SMYD3: variants seen among roughly 807,000 people sequenced by gnomAD.
SMYD3 encodes histone-lysine N-methyltransferase SMYD3.
In SMYD3, 36 loss-of-function variants were observed where a neutral mutation model predicts 57.7. That is an observed-to-expected ratio of 0.62 (90% confidence interval 0.48 to 0.82). The LOEUF (loss-of-function observed/expected upper bound fraction) is 0.82, where lower values mean the gene tolerates loss of function less well. SMYD3 is among the 40% of genes least tolerant of loss of function. The pLI is 0.00. For synonymous variants in SMYD3, 211 were observed against 195.0 expected (o/e 1.08, Z -0.68); for missense variants, 515 against 538.8 (o/e 0.96, Z 0.44).
rs141900320 is a variant in SMYD3 at position 246,402,604 on chromosome 1, A to C, written c.165-47510T>G. Among the ~76,000 whole-genome samples the C allele has an allele frequency of 6.0e-3, 920 of 152,280 alleles. 11 individuals carry two copies. Among genetic ancestry groups the C allele is most frequent in the African/African-American group, 0.021 (877 of 41,566 alleles). On this transcript the variant is annotated intron_variant, in intron 1 of 11. Coordinates refer to ENST00000490107, the MANE Select transcript of SMYD3 (RefSeq NM_001167740.2). ...CCTTCACAGTCAAGATAGAGGCTAG[A>C]AGCCACTGTGTGAAGTAATAAAGCT... is the stretch of plus-strand genomic sequence containing the variant.
At chr1:246,329,693 T>C (rs1159055207) in intron 4 of SMYD3, among the ~76,000 whole-genome samples, 2 of 152,216 alleles carry the variant, frequency 1.3e-5, no homozygotes, top group Non-Finnish European at 2.9e-5. Flanking sequence ...CTCTTTAGTT[T>C]AATCAGATCC....
intron 5 of SMYD3, among the ~76,000 whole-genome samples, chr1:245,937,235 A>C (rs1360110685): frequency 1.3e-5 from 2 of 152,202 alleles, no homozygotes; most frequent in South Asian, 2.1e-4. Context: ...TATCAAGGCC[A>C]ATATCATAAG....
intron 5 of SMYD3, among the ~76,000 whole-genome samples, chr1:246,103,985 C>A (rs116862848): frequency 2.0e-3 from 302 of 152,324 alleles, no homozygotes; most frequent in Non-Finnish European, 3.6e-3. Flanking sequence ...AACCTTTCAA[C>A]CTGCCCAATT....
chr1:245,878,854 G>A (rs771095630), intron 8 of SMYD3, among the ~76,000 whole-genome samples: 28 of 152,210 alleles, frequency 1.8e-4, no homozygotes, highest in Admixed American at 4.6e-4. Flanking sequence ...GGAAGAGGGC[G>A]TTGAGCTTGT....
At chr1:246,483,969 T>C (rs150984658) in intron 1 of SMYD3, among the ~76,000 whole-genome samples, 76 of 150,868 alleles carry the variant, frequency 5.0e-4, no homozygotes, top group African/African-American at 7.1e-4. Context: ...ATACCTAAAC[T>C]ATTGTACTAG....
At chr1:246,376,238 T>C (rs969247321) in intron 1 of SMYD3, among the ~76,000 whole-genome samples, 2 of 152,146 alleles carry the variant, frequency 1.3e-5, no homozygotes, top group African/African-American at 2.4e-5. Flanking sequence ...TTCATATTGA[T>C]AGAACCGATC....
chr1:246,113,655 C>T (rs2061292140), intron 5 of SMYD3: 1 of 152,212 alleles, frequency 6.6e-6, no homozygotes, highest in Non-Finnish European at 1.5e-5. Flanking sequence ...CGTATTATCA[C>T]TTTCTATTTA....
At chr1:246,391,394 A>AAG (rs371972778) in intron 1 of SMYD3, among the ~76,000 whole-genome samples, 1 of 90,322 alleles carries the variant, frequency 1.1e-5, no homozygotes, top group Non-Finnish European at 2.3e-5. Flanking sequence ...GAGAGAGAGA[A>AAG]AGAGAGAGAG....
At chr1:246,246,108 G>A (rs969327131) in intron 5 of SMYD3, among the ~76,000 whole-genome samples, 52 of 152,184 alleles carry the variant, frequency 3.4e-4, no homozygotes, top group African/African-American at 1.2e-3. Flanking sequence ...CTAATAAACT[G>A]AGACATTCAG....
intron 10 of SMYD3, among the ~76,000 whole-genome samples, chr1:245,776,605 T>C (rs1396017130): frequency 6.6e-6 from 1 of 152,214 alleles, no homozygotes; most frequent in Admixed American, 6.5e-5. Flanking sequence ...AATCAATCAC[T>C]ACAGATGCCA....
intron 5 of SMYD3, among the ~76,000 whole-genome samples, chr1:246,027,592 T>C (rs1240867207): frequency 1.3e-5 from 2 of 152,236 alleles, no homozygotes; most frequent in African/African-American, 4.8e-5. Flanking sequence ...AAGCATAGTT[T>C]ACTGAATATC....
At chr1:246,117,334 C>T (rs1227227334) in intron 5 of SMYD3, among the ~76,000 whole-genome samples, 1 of 152,186 alleles carries the variant, frequency 6.6e-6, no homozygotes, top group Non-Finnish European at 1.5e-5. Flanking sequence ...AAGGAACCAA[C>T]ACAGATGTGG....
At chr1:245,866,360 G>A (rs1160981104) in intron 8 of SMYD3, among the ~76,000 whole-genome samples, 1 of 133,102 alleles carries the variant, frequency 7.5e-6, no homozygotes, top group Non-Finnish European at 1.6e-5. Context: ...CACCATAGGT[G>A]CACTTTTTTT....
intron 5 of SMYD3, among the ~76,000 whole-genome samples, chr1:246,125,087 A>AACAC (rs577581964): frequency 1.4e-5 from 2 of 142,552 alleles, no homozygotes; most frequent in African/African-American, 2.7e-5. Flanking sequence ...AAAAAAAAAA[A>AACAC]ACACACACAC....
intron 1 of SMYD3, among the ~76,000 whole-genome samples, chr1:246,370,773 T>A (rs2066181057): frequency 6.6e-6 from 1 of 152,216 alleles, no homozygotes; most frequent in South Asian, 2.1e-4. Context: ...GTCACAAATG[T>A]CGTCATCTCC....
rs1291814132 is a variant in SMYD3 at position 245,786,091 on chromosome 1, T to A, written c.1077-21942A>T. On this transcript the variant is annotated intron_variant, in intron 10 of 11. Transcript: ENST00000490107. ...AGAAGTTTTGCTTTTTTTTTTTTTT[T>A]TTAAAAAGCAATCACTCTTGGAGAT... Among the ~76,000 whole-genome samples, 3 of 143,626 alleles carry A rather than the reference T, an allele frequency of 2.1e-5. No homozygotes were observed. The Admixed American group carries it at 2.1e-4, about 10-fold the overall frequency. 94.2% of individuals were successfully genotyped at this position (143,626 alleles called of 152,430 possible). A position where few individuals can be genotyped will look rare whatever the true frequency, so the allele number is the denominator to read the frequency against.
At chr1:246,455,639 T>C (rs1472475007) in intron 1 of SMYD3, among the ~76,000 whole-genome samples, 1 of 152,228 alleles carries the variant, frequency 6.6e-6, no homozygotes, top group Non-Finnish European at 1.5e-5. Context: ...ATGCGTTCTT[T>C]ACAATTTGCA....
At chr1:246,456,245 G>A (rs1308265137) in intron 1 of SMYD3, among the ~76,000 whole-genome samples, 2 of 152,058 alleles carry the variant, frequency 1.3e-5, no homozygotes. Flanking sequence ...GAGTTGCTCC[G>A]ATTGTCAACC....
intron 5 of SMYD3, among the ~76,000 whole-genome samples, chr1:246,023,692 G>A (rs966834393): frequency 2.6e-5 from 4 of 152,012 alleles, no homozygotes; most frequent in Admixed American, 6.6e-5. Context: ...CAAAAAAGAC[G>A]GCACGTTCAG....
Sources: gnomAD v4.1 joint callset for allele counts (sites outside exome capture counted in the v4.1 genomes callset) on GRCh38, gnomAD v4.1.1 for gene constraint, MANE v1.5 for transcripts, NCBI Gene and HGNC (gene_info 2026-07-23, HGNC 2026-07-21) for gene names.